LRP1B: variants seen among roughly 807,000 people sequenced by gnomAD.
LRP1B encodes the protein LDL receptor related protein 1B.
In LRP1B, 217 loss-of-function variants were observed where a neutral mutation model predicts 556.6. That is an observed-to-expected ratio of 0.39 (90% CI 0.35 to 0.44). The LOEUF is 0.44. Among genes scored for constraint, LRP1B ranks in the 20% least tolerant of loss-of-function variants. The pLI is 1.00. For synonymous variants in LRP1B, 2,047 were observed against 1,865.8 expected (o/e 1.10, Z -2.50); for missense variants, 5,053 against 5,620.8 (o/e 0.90, Z 3.23).
chr2:142,020,960 C>A (rs191700210), intron 1 of LRP1B, among the ~76,000 whole-genome samples: 1 of 152,304 alleles, frequency 6.6e-6, no homozygotes, highest in Admixed American at 6.5e-5. Context: ...GTTGCAAGAT[C>A]TACTTCCATG....
intron 84 of LRP1B, among the ~76,000 whole-genome samples, chr2:140,294,666 G>A (rs1223390316): frequency 1.3e-5 from 2 of 152,150 alleles, no homozygotes; most frequent in Admixed American, 1.3e-4. Context: ...ACCTAGGATG[G>A]ATAGTAATAG....
intron 84 of LRP1B, among the ~76,000 whole-genome samples, chr2:140,285,982 TCTTTA>T (rs1033754748): frequency 6.6e-6 from 1 of 151,828 alleles, no homozygotes; most frequent in Non-Finnish European, 1.5e-5. Context: ...TAATTATACT[TCTTTA>T]CTTTTCATAA....
In LRP1B at chr2:140,534,059, T is replaced by A. The variant is rs755682172; in HGVS notation, c.7724A>T (p.Asn2575Ile). 36 of 1,613,376 alleles carry A rather than the reference T, an allele frequency of 2.2e-5. No homozygotes were observed. The highest frequency in any genetic ancestry group is 2.6e-5 in the Non-Finnish European group (31 of 1,179,578). ...TTCATCAGAGTTGTCTCCGCAGTCA[T>A]TTTCTCCATCACATAACTTGCCATG... ...IPHGKLCDGE[N>I]DCGDNSDELD... is the part of the protein sequence containing the mutation. The change falls in exon 47 of 91, where the codon AAT (asparagine) becomes ATT (isoleucine). Residue 2575 changes from asparagine (N) to isoleucine (I), a missense_variant. Asn to Ile is a moderately radical substitution (Grantham distance 149, BLOSUM62 -3). Transcript: ENST00000389484.
intron 83 of LRP1B, 37 bp downstream of exon 83, chr2:140,314,890 GAAAAGTGA>G: frequency 6.9e-7 from 1 of 1,455,144 alleles, no homozygotes; most frequent in Non-Finnish European, 9.3e-7. Flanking sequence ...CATATATAAG[GAAAAGTGA>G]AAAAGATGTG....
At chr2:140,829,397 C>T (rs1260108081) in intron 31 of LRP1B, among the ~76,000 whole-genome samples, 1 of 152,070 alleles carries the variant, frequency 6.6e-6, no homozygotes, top group African/African-American at 2.4e-5. Context: ...AAATAAGTCT[C>T]AACAAATTCA....
intron 1 of LRP1B, among the ~76,000 whole-genome samples, chr2:141,913,760 T>A (rs529431335): frequency 1.3e-5 from 2 of 152,228 alleles, no homozygotes; most frequent in East Asian, 3.9e-4. Flanking sequence ...CTACATTTTT[T>A]TTTTAAGATG....
At chr2:141,924,422 G>T (rs1228165614) in intron 1 of LRP1B, among the ~76,000 whole-genome samples, 1 of 152,084 alleles carries the variant, frequency 6.6e-6, no homozygotes, top group Non-Finnish European at 1.5e-5. Flanking sequence ...TCAAGCCCAT[G>T]TGTATCCCCA....
chr2:141,319,772 AT>A (rs1400204084), intron 3 of LRP1B, among the ~76,000 whole-genome samples: 1 of 152,044 alleles, frequency 6.6e-6, no homozygotes, highest in African/African-American at 2.4e-5. Context: ...TCTCGTTTCA[AT>A]TTTATAGAGC....
At chr2:140,723,068 A>G (rs1187911759) in intron 35 of LRP1B, among the ~76,000 whole-genome samples, 2 of 152,152 alleles carry the variant, frequency 1.3e-5, no homozygotes, top group Non-Finnish European at 2.9e-5. Flanking sequence ...AAAATGAAAT[A>G]AAATAGTAAA....
intron 1 of LRP1B, among the ~76,000 whole-genome samples, chr2:141,985,128 A>T (rs1435606): frequency 0.84 from 127,276 of 152,140 alleles, 53,419 homozygotes; most frequent in East Asian, 0.95. Flanking sequence ...AGATAACGGT[A>T]TTACAAACTC....
intron 1 of LRP1B, among the ~76,000 whole-genome samples, chr2:141,898,737 G>A (rs1185571571): frequency 6.6e-6 from 1 of 152,074 alleles, no homozygotes; most frequent in Non-Finnish European, 1.5e-5. Flanking sequence ...ATTTGTTGTG[G>A]CAGCAAGTGT....
intron 32 of LRP1B, 47 bp downstream of exon 32, chr2:140,813,610 C>A: frequency 6.4e-7 from 1 of 1,571,886 alleles, no homozygotes; most frequent in Non-Finnish European, 8.7e-7. Flanking sequence ...AATAAATCAA[C>A]CCCCAATCAA....
chr2:140,682,793 A>G (rs191259734), intron 41 of LRP1B, among the ~76,000 whole-genome samples: 42 of 152,176 alleles, frequency 2.8e-4, no homozygotes, highest in African/African-American at 8.9e-4. Context: ...AGTACACTCA[A>G]TGTTTAACCT....
intron 45 of LRP1B, 36 bp downstream of exon 45, chr2:140,540,937 G>A (rs1308779775): frequency 6.3e-7 from 1 of 1,593,492 alleles, no homozygotes; most frequent in East Asian, 2.3e-5. Flanking sequence ...ATTTGGAACA[G>A]ATTTGTCATA....
At chr2:141,452,682 C>T (rs1347145308) in intron 3 of LRP1B, among the ~76,000 whole-genome samples, 1 of 152,180 alleles carries the variant, frequency 6.6e-6, no homozygotes, top group Non-Finnish European at 1.5e-5. Context: ...TTATAGTTGT[C>T]ACTACTCTAG....
At chr2:141,384,936 T>C (rs1016453629) in intron 3 of LRP1B, among the ~76,000 whole-genome samples, 2 of 152,152 alleles carry the variant, frequency 1.3e-5, no homozygotes, top group Non-Finnish European at 2.9e-5. Flanking sequence ...AACCAATAAA[T>C]TGGGTGGAGG....
At chr2:141,962,680 A>C (rs1701435680) in intron 1 of LRP1B, among the ~76,000 whole-genome samples, 1 of 151,776 alleles carries the variant, frequency 6.6e-6, no homozygotes, top group Non-Finnish European at 1.5e-5. Flanking sequence ...ACTCAATTAC[A>C]CTAAAAAGGC....
At chr2:141,523,658 A>G (rs1267582697) in intron 2 of LRP1B, among the ~76,000 whole-genome samples, 1 of 152,162 alleles carries the variant, frequency 6.6e-6, no homozygotes, top group Non-Finnish European at 1.5e-5. Flanking sequence ...AACGTAAATT[A>G]TTACATACTT....
At chr2:140,268,594 C>CA (rs1205370219) in intron 86 of LRP1B, among the ~76,000 whole-genome samples, 1 of 151,912 alleles carries the variant, frequency 6.6e-6, no homozygotes, top group African/African-American at 2.4e-5. Context: ...CAGATGTGAT[C>CA]GATCTCTAAA....
Sources: gnomAD v4.1 joint callset for allele counts (sites outside exome capture counted in the v4.1 genomes callset) on GRCh38, gnomAD v4.1.1 for gene constraint, MANE v1.5 for transcripts, NCBI Gene and HGNC (gene_info 2026-07-23, HGNC 2026-07-21) for gene names.